ADI1: variants seen among roughly 807,000 people sequenced by gnomAD.
ADI1 encodes the protein acireductone dioxygenase.
ADI1 carries 21 observed loss-of-function variants against 18.7 expected under a neutral mutation model. The ratio of observed to expected loss-of-function variants is 1.13; its 90% confidence interval spans 0.80 to 1.62. ADI1 has a LOEUF of 1.62. ADI1 is among the 40% of genes most tolerant of loss of function. The probability of loss-of-function intolerance (pLI) is 0.00; values close to 1 mark genes in which losing one functional copy is unlikely to be tolerated. For missense variants in ADI1, 245 were observed against 254.9 expected, an observed-to-expected ratio of 0.96 and a Z score of 0.26; for synonymous variants, 90 against 100.1, an observed-to-expected ratio of 0.90 and a Z score of 0.60.
At chr2:3,511,696 A>T (rs999291806) in intron 2 of ADI1, among the ~76,000 whole-genome samples, 1 of 152,248 alleles carries the variant, frequency 6.6e-6, no homozygotes, top group African/African-American at 2.4e-5. Flanking sequence ...ATTGAGTAAC[A>T]CGCAGAGACT....
chr2:3,503,948 G>A (rs181770569), intron 2 of ADI1, among the ~76,000 whole-genome samples: 27 of 152,274 alleles, frequency 1.8e-4, no homozygotes, highest in African/African-American at 6.5e-4. Context: ...ACCAACCCCC[G>A]GGTGAGCGCC....
At position 3,514,551 on chromosome 2, in the gene ADI1, T is replaced by C. The variant is rs560591409; in HGVS notation, c.121-575A>G. On this transcript the variant is annotated intron_variant, in intron 1 of 3. Coordinates refer to ENST00000327435, the MANE Select transcript of ADI1 (RefSeq NM_018269.4). ...AAACCAAATAGGATGATCGGCTATCTTAAAAATATTTGATATTTCACATCC... is the reference window on the plus strand; with the variant it reads ...AAACCAAATAGGATGATCGGCTATCCTAAAAATATTTGATATTTCACATCC... 3.3e-5 allele frequency among the ~76,000 whole-genome samples: 5 copies of C among 152,366 alleles called. No individual in the cohort carries two copies. In the South Asian group the frequency reaches 6.2e-4, roughly 19 times the overall value.
rs1292259836 is a variant in ADI1, at chr2:3,503,270, CACTCAT to C, written c.241-2283_241-2278del. On this transcript the variant is annotated intron_variant, in intron 2 of 3. Coordinates refer to ENST00000327435, the MANE Select transcript of ADI1 (RefSeq NM_018269.4). ...CACACACATGCACACACGTAACACT[CACTCAT>C]GTGCATTCACACACATGCACACATA... Among the ~76,000 whole-genome samples, 5 of 139,754 alleles carry C rather than the reference CACTCAT, an allele frequency of 3.6e-5. 2 individuals are homozygous for C. Among genetic ancestry groups the C allele is most frequent in the African/African-American group, 1.4e-4 (5 of 36,128 alleles). The allele number at this position is 139,754 out of a possible 152,430, so 91.7% of individuals were successfully genotyped here.
chr2:3,508,809 T>A (rs898403512), intron 2 of ADI1, among the ~76,000 whole-genome samples: 18 of 151,774 alleles, frequency 1.2e-4, no homozygotes, highest in Non-Finnish European at 2.1e-4. Context: ...GAGGCTGAGA[T>A]GGGAGGATCA....
intron 2 of ADI1, among the ~76,000 whole-genome samples, chr2:3,501,585 G>A (rs1667011168): frequency 6.6e-6 from 1 of 152,040 alleles, no homozygotes; most frequent in South Asian, 2.1e-4. Context: ...CCAGGCTGGA[G>A]TGCAGTGGCA....
At chr2:3,500,068 G>GAA (rs60929236) in intron 3 of ADI1, among the ~76,000 whole-genome samples, 3 of 85,906 alleles carry the variant, frequency 3.5e-5, no homozygotes, top group South Asian at 3.6e-4. Flanking sequence ...CCATCTCAAA[G>GAA]AAAAAAAAAA....
chr2:3,499,536 T>G (rs1666947470), intron 3 of ADI1, among the ~76,000 whole-genome samples: 1 of 152,176 alleles, frequency 6.6e-6, no homozygotes, highest in African/African-American at 2.4e-5. Context: ...TAATTCAGTT[T>G]TTACTTTTAG....
At chr2:3,499,797 T>C (rs1374235968) in intron 3 of ADI1, among the ~76,000 whole-genome samples, 1 of 151,970 alleles carries the variant, frequency 6.6e-6, no homozygotes, top group Non-Finnish European at 1.5e-5. Context: ...GAACATCATG[T>C]AGAAAAAAGT....
rs1180339878 is a variant in ADI1, at chr2:3,514,741, T to C, written c.121-765A>G. 5.3e-6 allele frequency: 8 copies of C among 1,523,214 alleles called. No homozygotes were observed. In the East Asian group the frequency reaches 2.0e-4, roughly 38 times the overall value. The allele number at this position is 1,523,214 out of a possible 1,614,324, so 94.4% of individuals were successfully genotyped here. On this transcript the variant is annotated intron_variant, in intron 1 of 3. Transcript: ENST00000327435. ...ATTCATCTGAACTCTTATTTAAAAC[T>C]ACTGGCAGTGAATCTAGCACACTTT... is the stretch of plus-strand genomic sequence containing the variant.
chr2:3,498,115 G>C lies in ADI1; in HGVS notation c.*848C>G, dbSNP rs1340171131. 1 of 152,018 alleles carries C rather than the reference G, an allele frequency of 6.6e-6. No homozygotes were observed. Among genetic ancestry groups the C allele is most frequent in the East Asian group, 1.9e-4 (1 of 5,192 alleles). The allele number at this position is 152,018 out of a possible 1,614,324, so 9.4% of individuals were successfully genotyped here. On this transcript the variant is annotated 3_prime_UTR_variant, in exon 4 of 4. Transcript: ENST00000327435. ...TTAAGAAAATTAATCCTAACATGAA[G>C]ATTTTTCATCCAGTTAAAAAAAGAA...
At position 3,519,506 on chromosome 2, in the gene ADI1, C is replaced by A; in HGVS notation, c.-19G>T. Reference sequence around the variant, plus strand: ...GCACCATGACGCGCAGTGCGGGTGCCGTGTTCGAACCCAGGGGCCGCGCTC... The same window carrying A: ...GCACCATGACGCGCAGTGCGGGTGCAGTGTTCGAACCCAGGGGCCGCGCTC... On this transcript the variant is annotated 5_prime_UTR_variant, in exon 1 of 4. Transcript: ENST00000327435. 5 of 1,269,206 alleles carry A rather than the reference C, an allele frequency of 3.9e-6. No homozygotes were observed. The highest frequency in any genetic ancestry group is 2.8e-5 in the South Asian group (1 of 35,488). 78.6% of individuals were successfully genotyped at this position (1,269,206 alleles called of 1,614,324 possible). A position where few individuals can be genotyped will look rare whatever the true frequency, so the allele number is the denominator to read the frequency against.
chr2:3,499,135 C>CTCACT, intron 3 of ADI1, 53 bp from the exon 4 acceptor site: 1 of 1,446,726 alleles, frequency 6.9e-7, no homozygotes, highest in Non-Finnish European at 9.1e-7. Flanking sequence ...CGGCCTTCTA[C>CTCACT]TTAGTATTTA....
Position 3,500,965 on chromosome 2 carries a change from T to A in ADI1, c.269A>T (p.His90Leu). Residue 90 changes from histidine (H) to leucine (L), a missense_variant, in exon 3 of 4, where the codon CAC becomes CTC. His to Leu is a moderately conservative substitution (Grantham distance 99). Transcript: ENST00000327435. ...KIKMFYEEHL[H>L]LDDEIRYILD... ...GATGTAGCGGATCTCATCGTCCAAG[T>A]GCAAATGCTCCTCGTAGAACATCTT... is the stretch of plus-strand genomic sequence containing the variant. 2 of 1,612,716 alleles carry A rather than the reference T, an allele frequency of 1.2e-6. No homozygotes were observed. Among genetic ancestry groups the A allele is most frequent in the South Asian group, 2.2e-5 (2 of 90,910 alleles).
chr2:3,500,636 G>T, intron 3 of ADI1, 178 bp downstream of exon 3: 1 of 807,588 alleles, frequency 1.2e-6, no homozygotes, highest in Non-Finnish European at 2.0e-6. Context: ...CGGAAGGACA[G>T]CTGTCACCTC....
chr2:3,500,644 C>T (rs1047485213), intron 3 of ADI1, 170 bp downstream of exon 3: 38 of 875,108 alleles, frequency 4.3e-5, no homozygotes, highest in Non-Finnish European at 6.8e-5. Flanking sequence ...CAGCTGTCAC[C>T]TCGGACATCG....
intron 2 of ADI1, among the ~76,000 whole-genome samples, chr2:3,502,870 T>C (rs4971501): frequency 0.5 from 76,401 of 151,920 alleles, 22,485 homozygotes; most frequent in African/African-American, 0.83. Flanking sequence ...GTCTGGGTGC[T>C]GCCATGCTGA....
At position 3,508,334 on chromosome 2, in the gene ADI1, C is replaced by CAAAAAA. The variant is rs33977448; in HGVS notation, c.240+5517_240+5522dup. Among the ~76,000 whole-genome samples the CAAAAAA allele has an allele frequency of 2.9e-3, 77 of 26,922 alleles. 6 individuals are homozygous for CAAAAAA. The highest frequency in any genetic ancestry group is 5.2e-3 in the Non-Finnish European group (53 of 10,116). 17.7% of individuals were successfully genotyped at this position (26,922 alleles called of 152,430 possible). ...TGGGCAACAGAGTGAGACTCTGTCT[C>CAAAAAA]AAAAAAAAAAAAAAAAAAAAAAAAA... On this transcript the variant is annotated intron_variant, in intron 2 of 3. Coordinates refer to ENST00000327435, the MANE Select transcript of ADI1 (RefSeq NM_018269.4).
chr2:3,509,864 C>A (rs569522835), intron 2 of ADI1, among the ~76,000 whole-genome samples: 15 of 151,630 alleles, frequency 9.9e-5, no homozygotes, highest in African/African-American at 3.4e-4. Context: ...ATTAGGCAGG[C>A]CGGGTGCGGT....
chr2:3,506,999 G>A (rs1046374944), intron 2 of ADI1, among the ~76,000 whole-genome samples: 1 of 152,146 alleles, frequency 6.6e-6, no homozygotes. Context: ...GTTCTTGCAT[G>A]TTGTCTACTT....
Sources: allele counts gnomAD v4.1 joint callset (sites outside exome capture counted in the v4.1 genomes callset), GRCh38; gene constraint gnomAD v4.1.1; transcripts MANE v1.5; gene names NCBI Gene and HGNC (gene_info 2026-07-23, HGNC 2026-07-21).